Variants in ZNF438 observed in about 807,000 individuals in gnomAD.
The protein encoded by ZNF438 is zinc finger protein 438.
In ZNF438, 25 loss-of-function variants were observed where a neutral mutation model predicts 38.0. That is an observed-to-expected ratio of 0.66 (90% CI 0.48 to 0.92). ZNF438 has a LOEUF of 0.92. ZNF438 is among the 40% of genes least tolerant of loss of function. The pLI, the probability that ZNF438 is intolerant of heterozygous loss-of-function variation, is 0.00. For missense variants in ZNF438, 1,007 were observed against 999.6 expected, an observed-to-expected ratio of 1.01 and a Z score of -0.10; for synonymous variants, 372 against 364.1, an observed-to-expected ratio of 1.02 and a Z score of -0.25.
chr10:30,875,029 C>A (rs1490543342), intron 4 of ZNF438, among the ~76,000 whole-genome samples: 1 of 151,992 alleles, frequency 6.6e-6, no homozygotes, highest in Non-Finnish European at 1.5e-5. Context: ...ACAATGGAGG[C>A]ACATGATTGA....
At chr10:30,969,848 A>C (rs796183844) in intron 1 of ZNF438, among the ~76,000 whole-genome samples, 5 of 152,220 alleles carry the variant, frequency 3.3e-5, no homozygotes, top group African/African-American at 1.2e-4. Context: ...TCAGTGTCTC[A>C]TCATAACCAT....
chr10:30,855,288 C>T (rs552349583), intron 4 of ZNF438, among the ~76,000 whole-genome samples: 38 of 152,250 alleles, frequency 2.5e-4, no homozygotes, highest in African/African-American at 7.2e-4. Context: ...GAGGCCCAGA[C>T]GACTGGTATG....
chr10:30,851,595 C>T (rs1396077434), intron 4 of ZNF438, among the ~76,000 whole-genome samples: 1 of 152,256 alleles, frequency 6.6e-6, no homozygotes, highest in East Asian at 1.9e-4. Flanking sequence ...TGTTACATAA[C>T]TCCCAGCGGA....
At chr10:30,868,511 A>ATTAAT (rs1429843690) in intron 4 of ZNF438, among the ~76,000 whole-genome samples, 1 of 151,394 alleles carries the variant, frequency 6.6e-6, no homozygotes, top group Non-Finnish European at 1.5e-5. Flanking sequence ...TTTGTTGCCC[A>ATTAAT]TTAATTTAAA....
chr10:30,896,926 A>G (rs1359129271), intron 3 of ZNF438, among the ~76,000 whole-genome samples: 1 of 152,234 alleles, frequency 6.6e-6, no homozygotes, highest in African/African-American at 2.4e-5. Flanking sequence ...TTAGGCAAAA[A>G]TGGCAATCAC....
intron 4 of ZNF438, among the ~76,000 whole-genome samples, chr10:30,874,156 A>C (rs1374176030): frequency 1.0e-5 from 1 of 97,068 alleles, no homozygotes; most frequent in Non-Finnish European, 2.1e-5. Flanking sequence ...ATATATATAT[A>C]TATATATTTA....
At chr10:31,015,371 T>C (rs2133176760) in intron 1 of ZNF438, among the ~76,000 whole-genome samples, 1 of 152,254 alleles carries the variant, frequency 6.6e-6, no homozygotes, top group South Asian at 2.1e-4. Context: ...TGGCCGGACG[T>C]GGTGGCTCAC....
intron 1 of ZNF438, among the ~76,000 whole-genome samples, chr10:31,018,844 T>C (rs1313329391): frequency 6.6e-6 from 1 of 152,160 alleles, no homozygotes; most frequent in Admixed American, 6.5e-5. Context: ...CAGTTGCTGC[T>C]GCTTTCAGTT....
exon 5 of ZNF438, chr10:30,848,706 T>C: frequency 6.2e-7 from 1 of 1,614,136 alleles, no homozygotes; most frequent in Non-Finnish European, 8.5e-7. Flanking sequence ...TCACAACACA[T>C]GAGTTTCTTC....
intron 2 of ZNF438, among the ~76,000 whole-genome samples, chr10:30,915,878 A>C (rs1425995232): frequency 6.6e-6 from 1 of 152,146 alleles, no homozygotes; most frequent in East Asian, 1.9e-4. Context: ...AAGAGGTCAA[A>C]GCCGGGCCCT....
intron 1 of ZNF438, among the ~76,000 whole-genome samples, chr10:31,025,165 A>C (rs887282720): frequency 6.6e-6 from 1 of 152,210 alleles, no homozygotes; most frequent in African/African-American, 2.4e-5. Context: ...AAAGCAAAAA[A>C]ATAAAAAAAT....
intron 1 of ZNF438, among the ~76,000 whole-genome samples, chr10:30,993,775 C>G (rs573407346): frequency 3.3e-5 from 5 of 152,370 alleles, no homozygotes; most frequent in African/African-American, 9.6e-5. Context: ...AAGCCACAGG[C>G]ACCCAACTGT....
intron 1 of ZNF438, among the ~76,000 whole-genome samples, chr10:31,021,666 A>G (rs1346297415): frequency 6.6e-6 from 1 of 152,210 alleles, no homozygotes; most frequent in African/African-American, 2.4e-5. Context: ...AGCAAATTCC[A>G]GCGATTTTCT....
chr10:30,939,987 T>C (rs2046647390), intron 2 of ZNF438, among the ~76,000 whole-genome samples: 1 of 152,248 alleles, frequency 6.6e-6, no homozygotes, highest in East Asian at 1.9e-4. Flanking sequence ...ACTTTTGGAA[T>C]ACAGTGCATT....
intron 2 of ZNF438, among the ~76,000 whole-genome samples, chr10:30,911,866 C>T (rs1272537841): frequency 6.6e-6 from 1 of 152,092 alleles, no homozygotes; most frequent in Non-Finnish European, 1.5e-5. Flanking sequence ...GGCTCCAGTC[C>T]TTCCTACTCT....
intron 1 of ZNF438, among the ~76,000 whole-genome samples, chr10:31,003,683 C>T (rs191913874): frequency 3.3e-5 from 5 of 152,294 alleles, no homozygotes; most frequent in Admixed American, 3.3e-4. Flanking sequence ...CAAGCTACTA[C>T]CATTTTTCAC....
intron 3 of ZNF438, among the ~76,000 whole-genome samples, chr10:30,895,299 C>T (rs1025934542): frequency 2.0e-5 from 3 of 152,170 alleles, no homozygotes; most frequent in African/African-American, 4.8e-5. Context: ...AGCAACACTT[C>T]GAGTTAGGGC....
intron 1 of ZNF438, among the ~76,000 whole-genome samples, chr10:31,020,718 G>GTAGT (rs148158482): frequency 0.76 from 115,428 of 151,342 alleles, 44,889 homozygotes; most frequent in African/African-American, 0.88. Flanking sequence ...ATATCTTTTA[G>GTAGT]TAAACAACAG....
intron 1 of ZNF438, among the ~76,000 whole-genome samples, chr10:31,005,602 T>G (rs2055052337): frequency 6.6e-6 from 1 of 152,270 alleles, no homozygotes; most frequent in Non-Finnish European, 1.5e-5. Context: ...ATGAGGACTA[T>G]GGTTAATACT....
Sources: gnomAD v4.1 joint callset for allele counts (sites outside exome capture counted in the v4.1 genomes callset) on GRCh38, gnomAD v4.1.1 for gene constraint, MANE v1.5 for transcripts, NCBI Gene and HGNC (gene_info 2026-07-23, HGNC 2026-07-21) for gene names.